The following KHDRBS2 variants were observed in gnomAD, a reference collection of about 807,000 sequenced individuals.
KHDRBS2 encodes KH domain-containing, RNA-binding, signal transduction-associated protein 2.
KHDRBS2 carries 26 observed loss-of-function variants against 44.3 expected under a neutral mutation model. The observed-to-expected ratio is 0.59, with a 90% confidence interval of 0.43 to 0.81. The LOEUF (loss-of-function observed/expected upper bound fraction) is 0.81. Among genes scored for constraint, KHDRBS2 ranks in the 40% least tolerant of loss-of-function variants. The pLI is 0.00. For synonymous variants in KHDRBS2, 194 were observed against 151.1 expected (o/e 1.28, Z -2.08); for missense variants, 476 against 433.1 (o/e 1.10, Z -0.88).
chr6:61,782,962 C>G (rs1173940778), intron 6 of KHDRBS2, among the ~76,000 whole-genome samples: 2 of 151,710 alleles, frequency 1.3e-5, no homozygotes, highest in African/African-American at 2.4e-5. Flanking sequence ...TTAATTTATA[C>G]TGCATTACAT....
At chr6:61,805,541 C>T (rs760515411) in intron 6 of KHDRBS2, among the ~76,000 whole-genome samples, 14 of 152,096 alleles carry the variant, frequency 9.2e-5, no homozygotes, top group Non-Finnish European at 1.5e-4. Context: ...TATTAGTCTG[C>T]CTTCATGCTG....
At chr6:61,793,390 T>C (rs1379155333) in intron 6 of KHDRBS2, among the ~76,000 whole-genome samples, 1 of 152,016 alleles carries the variant, frequency 6.6e-6, no homozygotes, top group African/African-American at 2.4e-5. Context: ...GTGATATAAA[T>C]AAGACACAAA....
intron 6 of KHDRBS2, among the ~76,000 whole-genome samples, chr6:61,894,305 GT>G (rs1198134774): frequency 1.3e-5 from 2 of 151,976 alleles, no homozygotes; most frequent in Non-Finnish European, 2.9e-5. Flanking sequence ...GCTAATCTTT[GT>G]CAAGTTCCAG....
chr6:61,965,034 A>G (rs1380047567), intron 4 of KHDRBS2, among the ~76,000 whole-genome samples: 1 of 152,100 alleles, frequency 6.6e-6, no homozygotes, highest in Non-Finnish European at 1.5e-5. Flanking sequence ...TAATCTTTGC[A>G]CTTGGGTGAA....
chr6:61,566,920 T>C, the KHDRBS2 span, among the ~76,000 whole-genome samples: 2 of 152,166 alleles, frequency 1.3e-5, no homozygotes, highest in Non-Finnish European at 2.9e-5. Context: ...AAGACTTTCT[T>C]TAAGACTAAT....
the KHDRBS2 span, among the ~76,000 whole-genome samples, chr6:61,637,061 G>GTAGGGTACA: frequency 6.6e-6 from 1 of 151,654 alleles, no homozygotes; most frequent in East Asian, 1.9e-4. Context: ...ACTTTAAGTT[G>GTAGGGTACA]TAGGGTACAT....
At chr6:62,186,250 G>A (rs765643196) in intron 1 of KHDRBS2, among the ~76,000 whole-genome samples, 3 of 151,980 alleles carry the variant, frequency 2.0e-5, no homozygotes, top group South Asian at 2.1e-4. Context: ...AGTTTAAAAC[G>A]GGAATAATAT....
At chr6:61,771,833 G>C (rs7760053) in intron 6 of KHDRBS2, among the ~76,000 whole-genome samples, 1 of 151,826 alleles carries the variant, frequency 6.6e-6, no homozygotes, top group South Asian at 2.1e-4. Flanking sequence ...TGCACCGAGC[G>C]GACCTAATAG....
chr6:61,784,438 G>T (rs1476713235), intron 6 of KHDRBS2, among the ~76,000 whole-genome samples: 1 of 151,716 alleles, frequency 6.6e-6, no homozygotes, highest in Non-Finnish European at 1.5e-5. Flanking sequence ...TGTAATATGA[G>T]AAATAACTCA....
At chr6:61,916,623 C>A (rs1411006007) in intron 4 of KHDRBS2, among the ~76,000 whole-genome samples, 1 of 151,828 alleles carries the variant, frequency 6.6e-6, no homozygotes, top group Non-Finnish European at 1.5e-5. Context: ...AATATATCTG[C>A]AAAAGACATA....
At chr6:62,005,328 T>A in intron 3 of KHDRBS2, among the ~76,000 whole-genome samples, 1 of 152,098 alleles carries the variant, frequency 6.6e-6, no homozygotes, top group East Asian at 1.9e-4. Context: ...AACCTTGTTA[T>A]TTTTTGTTGT....
chr6:61,757,239 C>T (rs1046153210), intron 6 of KHDRBS2, among the ~76,000 whole-genome samples: 27 of 152,058 alleles, frequency 1.8e-4, no homozygotes, highest in African/African-American at 6.5e-4. Flanking sequence ...TATACCTGCT[C>T]TCTGTTATTA....
rs141123799 is a variant in KHDRBS2 at position 62,111,455 on chromosome 6, C to T, written c.220-63461G>A. On this transcript the variant is annotated intron_variant, in intron 2 of 8. Transcript: ENST00000281156. ...ATATTAAATTATTTGATGGTGATGT[C>T]TAACAAGTATTCTGTGGAATTGAAC... Among the ~76,000 whole-genome samples the T allele has an allele frequency of 3.1e-4, 47 of 152,146 alleles. No individual in the cohort carries two copies. In the East Asian group the frequency reaches 8.9e-3, roughly 29 times the overall value.
chr6:62,065,107 G>A (rs1793246940), intron 2 of KHDRBS2, among the ~76,000 whole-genome samples: 1 of 151,934 alleles, frequency 6.6e-6, no homozygotes, highest in African/African-American at 2.4e-5. Context: ...CAGTTAGAAT[G>A]GCAATCATTA....
the KHDRBS2 span, among the ~76,000 whole-genome samples, chr6:61,572,655 G>A: frequency 2.6e-5 from 4 of 152,146 alleles, no homozygotes; most frequent in Admixed American, 6.5e-5. Flanking sequence ...GGGATGCAGC[G>A]ATGGTTTAAC....
chr6:61,731,510 C>T (rs1396373127), intron 7 of KHDRBS2, among the ~76,000 whole-genome samples: 1 of 152,062 alleles, frequency 6.6e-6, no homozygotes, highest in Non-Finnish European at 1.5e-5. Flanking sequence ...AATACTTTTA[C>T]TGTGCTGTCA....
intron 6 of KHDRBS2, among the ~76,000 whole-genome samples, chr6:61,766,096 C>A (rs1303723893): frequency 7.0e-6 from 1 of 142,190 alleles, no homozygotes; most frequent in Non-Finnish European, 1.6e-5. Flanking sequence ...AGCAGTGAAG[C>A]CACCGTGTTC....
At chr6:61,826,235 A>T (rs989736505) in intron 6 of KHDRBS2, among the ~76,000 whole-genome samples, 1 of 152,102 alleles carries the variant, frequency 6.6e-6, no homozygotes, top group Non-Finnish European at 1.5e-5. Context: ...TCTGTACACC[A>T]GGAGACCTCT....
At chr6:62,098,303 T>G (rs966902733) in intron 2 of KHDRBS2, among the ~76,000 whole-genome samples, 1 of 151,980 alleles carries the variant, frequency 6.6e-6, no homozygotes. Flanking sequence ...AAAGAACTCT[T>G]TTTAGAATTT....
Sources: gnomAD v4.1 joint callset for allele counts (sites outside exome capture counted in the v4.1 genomes callset) on GRCh38, gnomAD v4.1.1 for gene constraint, MANE v1.5 for transcripts, NCBI Gene and HGNC (gene_info 2026-07-23, HGNC 2026-07-21) for gene names.